RIOX2: variants seen among roughly 807,000 people sequenced by gnomAD.
The protein encoded by RIOX2 is ribosomal oxygenase 2, also known as 60S ribosomal protein L27a histidine hydroxylase.
In RIOX2, 43 loss-of-function variants were observed where a neutral mutation model predicts 51.2. The observed-to-expected ratio is 0.84, with a 90% CI of 0.66 to 1.08. The LOEUF (loss-of-function observed/expected upper bound fraction) is 1.08. Among genes scored for constraint, RIOX2 ranks in the 50% least tolerant of loss-of-function variants. The pLI is 0.00. For synonymous variants in RIOX2, 226 were observed against 218.5 expected (o/e 1.03, Z -0.30); for missense variants, 566 against 561.7 (o/e 1.01, Z -0.08).
At chr3:97,953,598 G>A (rs986580798) in intron 5 of RIOX2, among the ~76,000 whole-genome samples, 3 of 152,010 alleles carry the variant, frequency 2.0e-5, no homozygotes, top group Non-Finnish European at 2.9e-5. Context: ...GGCCAGGCTG[G>A]TCTCAAACTT....
intron 8 of RIOX2, among the ~76,000 whole-genome samples, chr3:97,946,523 CTGGT>C (rs2040362171): frequency 6.7e-6 from 1 of 148,902 alleles, no homozygotes; most frequent in Non-Finnish European, 1.5e-5. Context: ...CTCAAACTGA[CTGGT>C]TATCAGAATC....
chr3:97,954,619 G>A, intron 4 of RIOX2, 124 bp from the exon 5 acceptor site: 1 of 761,312 alleles, frequency 1.3e-6, no homozygotes, highest in Non-Finnish European at 2.2e-6. Context: ...ACAACCTCAA[G>A]GCACAGTCTA....
chr3:97,952,307 C>A, intron 5 of RIOX2: 1 of 1,112,732 alleles, frequency 9.0e-7, no homozygotes, highest in Non-Finnish European at 1.2e-6. Flanking sequence ...TGGTACCCAC[C>A]CACAATCCTA....
At chr3:97,969,827 C>T (rs755694527) in intron 1 of RIOX2, among the ~76,000 whole-genome samples, 2 of 152,198 alleles carry the variant, frequency 1.3e-5, no homozygotes, top group Non-Finnish European at 2.9e-5. Flanking sequence ...CACCCATGTG[C>T]CTCTTCCCTT....
chr3:97,956,769 A>G (rs1468338840), intron 4 of RIOX2, among the ~76,000 whole-genome samples: 1 of 152,186 alleles, frequency 6.6e-6, no homozygotes, highest in African/African-American at 2.4e-5. Context: ...TGCTGGGATT[A>G]CAGGCGTGAG....
At chr3:97,948,313 G>T (rs926620080) in intron 7 of RIOX2, among the ~76,000 whole-genome samples, 4 of 152,102 alleles carry the variant, frequency 2.6e-5, no homozygotes, top group Admixed American at 6.6e-5. Context: ...TCATAATTAA[G>T]AGTTTTATTA....
At chr3:97,946,938 C>T (rs1391841059) in intron 8 of RIOX2, among the ~76,000 whole-genome samples, 1 of 152,036 alleles carries the variant, frequency 6.6e-6, no homozygotes, top group Non-Finnish European at 1.5e-5. Flanking sequence ...AGCAAAATTA[C>T]AGAATATATA....
chr3:97,951,583 C>T (rs575668475), intron 5 of RIOX2, among the ~76,000 whole-genome samples: 3 of 152,310 alleles, frequency 2.0e-5, no homozygotes, highest in African/African-American at 7.2e-5. Flanking sequence ...AAGAAATGCA[C>T]TCTGTGGGGA....
chr3:97,964,095 G>A (rs961026104), intron 2 of RIOX2, among the ~76,000 whole-genome samples: 2 of 152,094 alleles, frequency 1.3e-5, no homozygotes, highest in African/African-American at 4.8e-5. Context: ...TATCCAGCGA[G>A]CCCAAGGAGG....
rs753744900 is a variant in RIOX2 at position 97,945,778 on chromosome 3, T to C, written c.1239+20A>G. 2 of 1,567,440 alleles carry C rather than the reference T, an allele frequency of 1.3e-6. No individual in the cohort carries two copies. Among genetic ancestry groups the C allele is most frequent in the Non-Finnish European group, 1.8e-6 (2 of 1,140,614 alleles). ...CCACCCAAGTCACAGGATAGGCATT[T>C]GTTTTCAGTTGAAACAAACCTCTGT... On this transcript the variant is annotated intron_variant, in intron 9 of 9. Coordinates refer to ENST00000394198, the MANE Select transcript of RIOX2 (RefSeq NM_153182.4).
intron 4 of RIOX2, among the ~76,000 whole-genome samples, chr3:97,956,369 C>T (rs1025775715): frequency 6.6e-6 from 1 of 152,172 alleles, no homozygotes; most frequent in African/African-American, 2.4e-5. Context: ...TAGAGAGATC[C>T]CTTTTAGTCT....
chr3:97,968,696 T>A (rs1023385971), intron 1 of RIOX2, among the ~76,000 whole-genome samples: 1 of 152,204 alleles, frequency 6.6e-6, no homozygotes, highest in Non-Finnish European at 1.5e-5. Context: ...TTATTTAAAT[T>A]TCCTGAGACT....
At chr3:97,951,487 C>T (rs1244072005) in intron 5 of RIOX2, among the ~76,000 whole-genome samples, 1 of 152,158 alleles carries the variant, frequency 6.6e-6, no homozygotes, top group East Asian at 1.9e-4. Flanking sequence ...CTAAAAATAA[C>T]ATCTAGGGAC....
At chr3:97,952,177 T>C in intron 5 of RIOX2, 1 of 1,289,660 alleles carries the variant, frequency 7.8e-7, no homozygotes, top group South Asian at 1.2e-5. Context: ...GAAGGAGCAT[T>C]AGGCTCAAAA....
intron 2 of RIOX2, among the ~76,000 whole-genome samples, chr3:97,966,767 C>A (rs1250083660): frequency 6.6e-6 from 1 of 152,208 alleles, no homozygotes; most frequent in Non-Finnish European, 1.5e-5. Flanking sequence ...AAAAAATGAT[C>A]ACCTTGATGC....
chr3:97,950,020 GA>G lies in RIOX2; in HGVS notation c.889-6del, dbSNP rs776116562. The G allele has an allele frequency of 9.3e-6, 15 of 1,613,034 alleles. No homozygotes were observed. The highest frequency in any genetic ancestry group is 1.3e-5 in the Non-Finnish European group (15 of 1,179,774). On this transcript the variant is annotated splice_region_variant and splice_polypyrimidine_tract_variant and intron_variant, in intron 6 of 9. Transcript: ENST00000394198. ...AACAGTTGTGGATTCCACCTGCTAG[GA>G]ACACAGAAGTGAGTCCTGGCCCAGA...
chr3:97,952,220 A>C (rs944949930), intron 5 of RIOX2: 4 of 1,289,812 alleles, frequency 3.1e-6, no homozygotes, highest in Middle Eastern at 2.1e-4. Context: ...AATGGCCCTC[A>C]AGTCACATCT....
intron 1 of RIOX2, among the ~76,000 whole-genome samples, chr3:97,970,913 T>C: frequency 6.6e-6 from 1 of 152,338 alleles, no homozygotes; most frequent in African/African-American, 2.4e-5. Context: ...GAGGAAGCTC[T>C]TGAAGGAAAG....
chr3:97,954,986 C>T (rs553216260), intron 4 of RIOX2, among the ~76,000 whole-genome samples: 2 of 152,282 alleles, frequency 1.3e-5, no homozygotes, highest in South Asian at 2.1e-4. Context: ...CCAAACCTTA[C>T]AGGATTATTT....
Sources: allele counts gnomAD v4.1 joint callset (sites outside exome capture counted in the v4.1 genomes callset), GRCh38; gene constraint gnomAD v4.1.1; transcripts MANE v1.5; gene names NCBI Gene and HGNC (gene_info 2026-07-23, HGNC 2026-07-21).